The following WDPCP variants were observed in gnomAD, a reference collection of about 807,000 sequenced individuals.
WDPCP encodes the protein WD repeat containing planar cell polarity effector.
A neutral mutation model predicts 93.1 loss-of-function variants in WDPCP; 71 were observed. The observed-to-expected ratio is 0.76, with a 90% CI of 0.63 to 0.93. The LOEUF (loss-of-function observed/expected upper bound fraction) is 0.93. Ranked by LOEUF, WDPCP falls within the 40% of genes least tolerant of loss-of-function variation. The pLI, the probability that WDPCP is intolerant of heterozygous loss-of-function variation, is 0.00. For synonymous variants in WDPCP, 315 were observed against 315.0 expected (o/e 1.00, Z 0.00); for missense variants, 844 against 887.4 (o/e 0.95, Z 0.62).
intron 2 of WDPCP, among the ~76,000 whole-genome samples, chr2:63,713,563 C>T (rs914683880): frequency 6.6e-6 from 1 of 152,166 alleles, no homozygotes; most frequent in Non-Finnish European, 1.5e-5. Context: ...ATCTTCATAC[C>T]AATTTACCCA....
At chr2:63,433,661 T>C (rs1226863061) in intron 9 of WDPCP, 84 bp downstream of exon 9, 1 of 1,305,256 alleles carries the variant, frequency 7.7e-7, no homozygotes, top group Non-Finnish European at 1.0e-6. Flanking sequence ...GTAAAAAATA[T>C]TCACATTTAT....
upstream of WDPCP, among the ~76,000 whole-genome samples, chr2:63,592,491 C>T (rs1230601459): frequency 6.6e-6 from 1 of 152,128 alleles, no homozygotes; most frequent in East Asian, 1.9e-4. Flanking sequence ...GCTGGAACTA[C>T]AGCATCTGCC....
intron 2 of WDPCP, among the ~76,000 whole-genome samples, chr2:63,767,747 A>C (rs1670164338): frequency 6.6e-6 from 1 of 152,068 alleles, no homozygotes; most frequent in Non-Finnish European, 1.5e-5. Flanking sequence ...GAAGTCCTTT[A>C]TTTGATATGT....
intron 1 of WDPCP, among the ~76,000 whole-genome samples, chr2:63,562,075 T>C (rs1706668745): frequency 6.6e-6 from 1 of 152,170 alleles, no homozygotes; most frequent in Admixed American, 6.6e-5. Context: ...GCAAATGTAT[T>C]TCCACTGCAG....
chr2:63,146,611 G>A (rs1189510389), intron 17 of WDPCP, among the ~76,000 whole-genome samples: 3 of 152,048 alleles, frequency 2.0e-5, no homozygotes, highest in Non-Finnish European at 4.4e-5. Flanking sequence ...TCCTGACCTC[G>A]TGATCTACCC....
chr2:63,170,532 G>C (rs528929129), intron 15 of WDPCP, among the ~76,000 whole-genome samples: 12 of 152,212 alleles, frequency 7.9e-5, no homozygotes, highest in Admixed American at 2.6e-4. Flanking sequence ...GCCTCCCAAA[G>C]TGCTGGTATT....
chr2:63,131,832 T>TC (rs1670311396), intron 17 of WDPCP, among the ~76,000 whole-genome samples: 1 of 142,654 alleles, frequency 7.0e-6, no homozygotes, highest in Non-Finnish European at 1.5e-5. Flanking sequence ...GATACAGTAT[T>TC]CTTTTTTTTT....
At chr2:63,737,231 G>A (rs1014683167) in intron 2 of WDPCP, among the ~76,000 whole-genome samples, 13 of 152,118 alleles carry the variant, frequency 8.5e-5, no homozygotes, top group Non-Finnish European at 1.3e-4. Flanking sequence ...GTGCAAGCAG[G>A]CCTCCAAGGC....
At chr2:63,626,591 G>A (rs1333970020) in intron 3 of WDPCP, among the ~76,000 whole-genome samples, 3 of 152,142 alleles carry the variant, frequency 2.0e-5, no homozygotes, top group Non-Finnish European at 1.5e-5. Context: ...ATCATCACTG[G>A]TCATTAGAGA....
intron 14 of WDPCP, among the ~76,000 whole-genome samples, chr2:63,206,557 A>C (rs1467192926): frequency 1.2e-4 from 18 of 151,834 alleles, no homozygotes; most frequent in Admixed American, 1.2e-3. Context: ...GACTCATGCA[A>C]TTTTCCCACA....
intron 1 of WDPCP, among the ~76,000 whole-genome samples, chr2:63,521,299 T>A (rs553045975): frequency 6.6e-6 from 1 of 152,318 alleles, no homozygotes; most frequent in Admixed American, 6.5e-5. Context: ...TGATATGCTG[T>A]CTTCAAGAAA....
intron 17 of WDPCP, among the ~76,000 whole-genome samples, chr2:63,142,923 TACACACACACACAC>T (rs1242494155): frequency 1.9e-5 from 2 of 105,758 alleles, no homozygotes; most frequent in East Asian, 4.3e-4. Context: ...CACATACATA[TACACACACACACAC>T]ACACACACAC....
chr2:63,388,402 A>G (rs1262568532), intron 10 of WDPCP, among the ~76,000 whole-genome samples: 1 of 152,234 alleles, frequency 6.6e-6, no homozygotes. Flanking sequence ...GGTCACCAAC[A>G]TCAAAGACCA....
At chr2:63,489,941 C>T (rs1700777809) in intron 2 of WDPCP, among the ~76,000 whole-genome samples, 1 of 151,922 alleles carries the variant, frequency 6.6e-6, no homozygotes, top group Non-Finnish European at 1.5e-5. Context: ...TCATGAATAT[C>T]ATCAGGAAAG....
chr2:63,484,578 T>G (rs1266820204), intron 6 of WDPCP, 26 bp downstream of exon 6: 1 of 1,612,254 alleles, frequency 6.2e-7, no homozygotes, highest in Non-Finnish European at 8.5e-7. Context: ...GGTTAAACAC[T>G]GCAAAGGCTT....
intron 1 of WDPCP, among the ~76,000 whole-genome samples, chr2:63,496,521 A>G (rs868107419): frequency 6.6e-6 from 1 of 152,224 alleles, no homozygotes; most frequent in African/African-American, 2.4e-5. Flanking sequence ...CTTCAAAGCC[A>G]AGAGTCAAAC....
At chr2:63,276,745 C>T (rs1421874146) in intron 13 of WDPCP, among the ~76,000 whole-genome samples, 1 of 152,102 alleles carries the variant, frequency 6.6e-6, no homozygotes, top group East Asian at 1.9e-4. Context: ...GTGTCCAAAC[C>T]TAAGAATAAT....
At chr2:63,266,355 T>A (rs1237407326) in intron 13 of WDPCP, among the ~76,000 whole-genome samples, 1 of 152,076 alleles carries the variant, frequency 6.6e-6, no homozygotes, top group African/African-American at 2.4e-5. Context: ...AAAATCAACA[T>A]ACAAAAACTT....
intron 14 of WDPCP, among the ~76,000 whole-genome samples, chr2:63,200,323 A>G (rs1675806037): frequency 6.6e-6 from 1 of 152,218 alleles, no homozygotes; most frequent in Non-Finnish European, 1.5e-5. Flanking sequence ...ATATGATTCA[A>G]CAATCCCACT....
Sources: gnomAD v4.1 joint callset for allele counts (sites outside exome capture counted in the v4.1 genomes callset) on GRCh38, gnomAD v4.1.1 for gene constraint, MANE v1.5 for transcripts, NCBI Gene and HGNC (gene_info 2026-07-23, HGNC 2026-07-21) for gene names.